Variants in CMAS observed in about 807,000 individuals in gnomAD.
CMAS encodes N-acylneuraminate cytidylyltransferase.
CMAS carries 21 observed loss-of-function variants against 53.4 expected under a neutral mutation model. The observed-to-expected ratio is 0.39, with a 90% CI of 0.28 to 0.57. The LOEUF is 0.57. CMAS is among the 20% of genes least tolerant of loss of function. The pLI, the probability that CMAS is intolerant of heterozygous loss-of-function variation, is 0.56. For missense variants in CMAS, 384 were observed against 534.9 expected (o/e 0.72, Z 2.78); for synonymous variants, 189 against 195.2 (o/e 0.97, Z 0.27).
intron 7 of CMAS, 21 bp downstream of exon 7, chr12:22,062,455 C>T (rs751414591): frequency 4.4e-6 from 7 of 1,606,494 alleles, no homozygotes; most frequent in Non-Finnish European, 5.1e-6. Flanking sequence ...TTTTATTCAC[C>T]CATAGTAAAA....
chr12:22,058,444 T>G, intron 3 of CMAS, 123 bp from the exon 4 acceptor site: 1 of 844,168 alleles, frequency 1.2e-6, no homozygotes, highest in Non-Finnish European at 1.8e-6. Context: ...AAAAGAAAAG[T>G]TCTTTATCTA....
intron 1 of CMAS, among the ~76,000 whole-genome samples, chr12:22,046,924 A>C (rs576853012): frequency 6.6e-6 from 1 of 152,272 alleles, no homozygotes; most frequent in Non-Finnish European, 1.5e-5. Flanking sequence ...ATAATATGTG[A>C]ACTTCTTTGG....
Position 22,061,401 on chromosome 12 carries a change from T to G in CMAS, c.909T>G (p.Tyr303Ter). 6.2e-7 allele frequency: 1 copy of G among 1,607,204 alleles called. No individual in the cohort carries two copies. The highest frequency in any genetic ancestry group is 8.5e-7 in the Non-Finnish European group (1 of 1,174,606). ...VSGDQKEIIS[Y>*]DVKDAIGISL... ...GAGACCAAAAAGAAATAATATCTTATGATGTAAAAGATGCTATTGGGATAA... is the reference window on the plus strand; with the variant it reads ...GAGACCAAAAAGAAATAATATCTTAGGATGTAAAAGATGCTATTGGGATAA... Residue 303 changes from tyrosine (Y) to a stop codon, truncating the protein, a stop_gained, in exon 6 of 8, where the codon TAT becomes TAG. Coordinates refer to ENST00000229329, the MANE Select transcript of CMAS (RefSeq NM_018686.6). LOFTEE classifies it high-confidence loss of function.
intron 1 of CMAS, 68 bp from the exon 2 acceptor site, chr12:22,055,081 C>T: frequency 8.1e-7 from 1 of 1,239,366 alleles, no homozygotes; most frequent in Non-Finnish European, 1.1e-6. Context: ...TTTATGGTTA[C>T]AGAGCTCCAT....
At chr12:22,058,415 ACT>A (rs1466299894) in intron 3 of CMAS, 150 bp from the exon 4 acceptor site, 17 of 589,692 alleles carry the variant, frequency 2.9e-5, no homozygotes, top group Non-Finnish European at 4.2e-5. Flanking sequence ...ACAGAGCGAG[ACT>A]CTGTCTCAAA....
chr12:22,055,899 T>A (rs545913871), intron 3 of CMAS, among the ~76,000 whole-genome samples: 1 of 152,182 alleles, frequency 6.6e-6, no homozygotes, highest in African/African-American at 2.4e-5. Context: ...TCAAATACTT[T>A]TATGTTTGTT....
At position 22,058,688 on chromosome 12, in the gene CMAS, G is replaced by T. The variant is rs915793453; in HGVS notation, c.681G>T (p.Met227Ile). 1.2e-6 allele frequency: 2 copies of T among 1,612,858 alleles called. No individual in the cohort carries two copies. The highest frequency in any genetic ancestry group is 1.7e-6 in the Non-Finnish European group (2 of 1,179,422). The part of the protein sequence containing the change: ...FYFAKRHLIE[M>I]GYLQGGKMAY... ...TTGCTAAAAGACATTTGATAGAGAT[G>T]GGTTACTTGCAGGTTTGTACCTTCA... The change falls in exon 4 of 8, where the codon ATG becomes ATT. Residue 227 changes from methionine to isoleucine, a missense_variant. Physicochemically the swap from Met to Ile is conservative, Grantham distance 10. Around this residue, in one of 3 missense-constraint regions of CMAS, gnomAD observed 139 missense variants for 248.0 expected, o/e 0.56. Transcript: ENST00000229329.
At chr12:22,055,115 A>G (rs1268987509) in intron 1 of CMAS, 34 bp from the exon 2 acceptor site, 1 of 1,535,674 alleles carries the variant, frequency 6.5e-7, no homozygotes, top group Admixed American at 2.1e-5. Flanking sequence ...ATTTCTTTTG[A>G]TTTGGCTGTT....
rs1950310083 is a variant in CMAS at position 22,061,860 on chromosome 12, T to A, written c.960+408T>A. ...AACTTAACGTTTAAGTGTATTTTTT[T>A]AAATGAAAGCTAGCTAAGATAATTA... is the stretch of plus-strand genomic sequence containing the variant. On this transcript the variant is annotated intron_variant, in intron 6 of 7. Transcript: ENST00000229329. Among the ~76,000 whole-genome samples the A allele has an allele frequency of 2.6e-5, 4 of 152,172 alleles. No homozygotes were observed. The South Asian group carries it at 8.3e-4, about 31-fold the overall frequency.
intron 1 of CMAS, among the ~76,000 whole-genome samples, chr12:22,048,297 G>C (rs1950219366): frequency 6.6e-6 from 1 of 152,168 alleles, no homozygotes; most frequent in Admixed American, 6.5e-5. Context: ...AGGATAAGAG[G>C]ATGGTGCACT....
chr12:22,057,226 T>TACACACACACACACAC (rs71053371), intron 3 of CMAS, among the ~76,000 whole-genome samples: 44 of 133,930 alleles, frequency 3.3e-4, no homozygotes, highest in African/African-American at 8.0e-4. Context: ...AACCAGCTAT[T>TACACACACACACACAC]ACACACACAC....
intron 4 of CMAS, 88 bp from the exon 5 acceptor site, chr12:22,060,744 T>A (rs1382143442): frequency 1.3e-6 from 1 of 757,450 alleles, no homozygotes; most frequent in Non-Finnish European, 2.3e-6. Flanking sequence ...ACTGTAGAAA[T>A]GAATTCATTG....
At chr12:22,046,685 G>A (rs1250978680) in intron 1 of CMAS, 122 bp downstream of exon 1, 2 of 1,199,222 alleles carry the variant, frequency 1.7e-6, no homozygotes, top group Non-Finnish European at 2.2e-6. Context: ...TCTCATGCCA[G>A]GGATGTGCAA....
In CMAS at chr12:22,046,347, C is replaced by A; in HGVS notation, c.44C>A (p.Pro15Gln). 1 of 1,520,374 alleles carries A rather than the reference C, an allele frequency of 6.6e-7. No individual in the cohort carries two copies. The highest frequency in any genetic ancestry group is 8.8e-7 in the Non-Finnish European group (1 of 1,132,888). The allele number at this position is 1,520,374 out of a possible 1,614,324, so 94.2% of individuals were successfully genotyped here. Residue 15 changes from proline (P) to glutamine (Q), a missense_variant, in exon 1 of 8, where the codon CCG becomes CAG. Physicochemically the swap from Pro to Gln is moderately conservative, Grantham distance 76 (BLOSUM62 -1). Around this residue, in one of 3 missense-constraint regions of CMAS, gnomAD observed 111 missense variants for 132.2 expected, o/e 0.84. Transcript: ENST00000229329. The stretch of plus-strand genomic sequence containing the variant: ...GGGGCCGCCACCTCCGTCTCCAACC[C>A]GCGGGGGCGACCGTCCCGGGGCCGG... ...EKGAATSVSN[P>Q]RGRPSRGRPP...
chr12:22,050,807 C>T (rs1425515947), intron 1 of CMAS, among the ~76,000 whole-genome samples: 1 of 151,980 alleles, frequency 6.6e-6, no homozygotes, highest in Non-Finnish European at 1.5e-5. Context: ...CCTGGGGAGA[C>T]TCCTGCCATA....
At chr12:22,052,366 T>C (rs532327264) in intron 1 of CMAS, among the ~76,000 whole-genome samples, 10 of 148,434 alleles carry the variant, frequency 6.7e-5, no homozygotes, top group Non-Finnish European at 1.3e-4. Flanking sequence ...AAATTAAGGA[T>C]GAATGAACGA....
rs1950262250 is a variant in CMAS at position 22,055,506 on chromosome 12, C to T, written c.455C>T (p.Thr152Ile). Reference protein sequence around the residue: ...IQATSPCLHPTDLQKVAEMIR... With the variant: ...IQATSPCLHPIDLQKVAEMIR... ...GCTACTTCTCCATGTTTACATCCTA[C>T]TGATCTTCAAAAAGTTGCAGAAATG... Residue 152 changes from threonine to isoleucine, a missense_variant, in exon 3 of 8, where the codon ACT becomes ATT. Thr to Ile is a moderately conservative substitution (Grantham distance 89). Around this residue, in one of 3 missense-constraint regions of CMAS, gnomAD observed 139 missense variants for 248.0 expected, o/e 0.56. Coordinates refer to ENST00000229329, the MANE Select transcript of CMAS (RefSeq NM_018686.6). 1.2e-6 allele frequency: 2 copies of T among 1,612,092 alleles called. No homozygotes were observed. Among genetic ancestry groups the T allele is most frequent in the Admixed American group, 1.7e-5 (1 of 59,756 alleles).
At position 22,060,888 on chromosome 12, in the gene CMAS, G is replaced by A; in HGVS notation, c.750G>A (p.Val250=). 6.2e-7 allele frequency: 1 copy of A among 1,611,762 alleles called. No individual in the cohort carries two copies. The highest frequency in any genetic ancestry group is 2.2e-5 in the East Asian group (1 of 44,738). ...CTGAACATAGTGTGGATATAGATGT[G>A]GATATTGATTGGCCTATTGCAGAGC... ...MRAEHSVDID[V]DIDWPIAEQR... is the part of the protein sequence containing the mutation. The change falls in exon 5 of 8, where the codon GTG becomes GTA. Residue 250 remains valine, a synonymous_variant. Coordinates refer to ENST00000229329, the MANE Select transcript of CMAS (RefSeq NM_018686.6).
Position 22,059,128 on chromosome 12 carries a change from T to TATA in CMAS, c.693+428_693+429insATA, listed in dbSNP as rs1565531140. Reference sequence around the variant, plus strand: ...GGGTGTCAGGAAACCCGGAATCTTTTTATATATATATATATATATATTTTT... The same window carrying TATA: ...GGGTGTCAGGAAACCCGGAATCTTTTATATATATATATATATATATATATTTTT... On this transcript the variant is annotated intron_variant, in intron 4 of 7. Coordinates refer to ENST00000229329, the MANE Select transcript of CMAS (RefSeq NM_018686.6). 8.9e-3 allele frequency among the ~76,000 whole-genome samples: 1,220 copies of TATA among 136,746 alleles called. 19 individuals are homozygous for TATA. The highest frequency in any genetic ancestry group is 0.031 in the African/African-American group (1,141 of 36,252). 89.7% of individuals were successfully genotyped at this position (136,746 alleles called of 152,430 possible).
Sources: allele counts gnomAD v4.1 joint callset (sites outside exome capture counted in the v4.1 genomes callset), GRCh38; gene constraint gnomAD v4.1.1; regional missense constraint gnomAD v4.1.1; transcripts MANE v1.5; gene names NCBI Gene and HGNC (gene_info 2026-07-23, HGNC 2026-07-21).